OR10J1: variants seen among roughly 807,000 people sequenced by gnomAD.
OR10J1 encodes olfactory receptor family 10 subfamily J member 1.
For synonymous variants in OR10J1, 202 were observed against 143.8 expected (o/e 1.40, Z -2.89); for missense variants, 474 against 376.6 (o/e 1.26, Z -2.14).
chr1:159,409,225 C>T, the OR10J1 span, among the ~76,000 whole-genome samples: 9 of 152,120 alleles, frequency 5.9e-5, no homozygotes, highest in East Asian at 5.8e-4. Context: ...AGGGCATTTC[C>T]GCAGCTATTC....
At chr1:159,432,256 C>T in the OR10J1 span, 1 of 400,918 alleles carries the variant, frequency 2.5e-6, no homozygotes, top group Non-Finnish European at 4.4e-6. Context: ...GAGGGTTTCT[C>T]CATTTTTGAG....
the OR10J1 span, among the ~76,000 whole-genome samples, chr1:159,404,180 G>A: frequency 6.6e-6 from 1 of 151,924 alleles, no homozygotes; most frequent in African/African-American, 2.4e-5. Flanking sequence ...AAATAAATAA[G>A]GCCTACTATT....
chr1:159,440,887 C>A lies in OR10J1; in HGVS notation c.*166C>A. 1 of 673,110 alleles carries A rather than the reference C, an allele frequency of 1.5e-6. No homozygotes were observed. The highest frequency in any genetic ancestry group is 2.4e-6 in the Non-Finnish European group (1 of 415,140). The allele number at this position is 673,110 out of a possible 1,614,324, so 41.7% of individuals were successfully genotyped here. A position where few individuals can be genotyped will look rare whatever the true frequency, so the allele number is the denominator to read the frequency against. On this transcript the variant is annotated 3_prime_UTR_variant, in exon 1 of 1. Coordinates refer to ENST00000423932, the MANE Select transcript of OR10J1 (RefSeq NM_012351.3). The stretch of plus-strand genomic sequence containing the variant: ...GAGTCTGAAGCTTTAAATAAAGTTA[C>A]TGGATGGAGTGTTATCCCTATTTTT...
At chr1:159,405,612 A>G in the OR10J1 span, 1 of 403,764 alleles carries the variant, frequency 2.5e-6, no homozygotes, top group Non-Finnish European at 4.9e-6. Flanking sequence ...TGATGGAAAT[A>G]TAGCCATAGT....
chr1:159,439,695 C>T, upstream of OR10J1: 3 of 1,456,744 alleles, frequency 2.1e-6, no homozygotes, highest in South Asian at 1.2e-5. Flanking sequence ...TAACTGAGAA[C>T]TATTGAACTT....
chr1:159,437,460 A>G (rs1394141363), upstream of OR10J1, among the ~76,000 whole-genome samples: 1 of 152,190 alleles, frequency 6.6e-6, no homozygotes, highest in Non-Finnish European at 1.5e-5. Context: ...ATTTTTCAAT[A>G]TGGATTTCTA....
the OR10J1 span, chr1:159,432,723 C>G: frequency 5.0e-6 from 2 of 403,492 alleles, no homozygotes; most frequent in Admixed American, 4.4e-5. Flanking sequence ...TGATGCTAAT[C>G]TCATCTCCCA....
chr1:159,416,864 G>A, the OR10J1 span, among the ~76,000 whole-genome samples: 5 of 151,924 alleles, frequency 3.3e-5, no homozygotes, highest in African/African-American at 1.2e-4. Flanking sequence ...CTATTTGTTA[G>A]TGTGTATTGC....
chr1:159,410,657 A>G, the OR10J1 span, among the ~76,000 whole-genome samples: 38 of 150,754 alleles, frequency 2.5e-4, no homozygotes, highest in African/African-American at 9.0e-4. Context: ...CAGCTCCTGG[A>G]TTCATTAATT....
At chr1:159,412,192 A>G in the OR10J1 span, among the ~76,000 whole-genome samples, 2 of 152,114 alleles carry the variant, frequency 1.3e-5, no homozygotes, top group African/African-American at 4.8e-5. Flanking sequence ...AAAAGAGGAT[A>G]CAAAGAAATG....
the OR10J1 span, chr1:159,406,458 C>T: frequency 3.5e-6 from 1 of 283,200 alleles, no homozygotes; most frequent in Non-Finnish European, 7.0e-6. Flanking sequence ...GTCTGAGCAG[C>T]ATCAGTTTTT....
At chr1:159,404,166 G>GA in the OR10J1 span, among the ~76,000 whole-genome samples, 1 of 151,868 alleles carries the variant, frequency 6.6e-6, no homozygotes, top group African/African-American at 2.4e-5. Context: ...AAAAAATATA[G>GA]AAAAAATAAA....
chr1:159,440,719 T>C lies in OR10J1; in HGVS notation c.928T>C (p.Ter310ArgextTer21). The change falls in exon 1 of 1, where the codon TGA (stop) becomes CGA (arginine). Residue 310 changes from the stop codon to arginine (R), a stop_lost. Transcript: ENST00000423932. ...CAGGGCTGTTGGTGGGAAGTTTTCC[T>C]GACCATGTAGGAAGAGTTCTCCTGA... The part of the protein sequence containing the change: ...LCRAVGGKFS[*>R] 1 of 1,608,202 alleles carries C rather than the reference T, an allele frequency of 6.2e-7. No homozygotes were observed. The highest frequency in any genetic ancestry group is 1.1e-5 in the South Asian group (1 of 90,604).
the OR10J1 span, chr1:159,406,162 T>A: frequency 4.0e-6 from 2 of 495,266 alleles, no homozygotes; most frequent in African/African-American, 2.0e-5. Context: ...GTCTCAGAGA[T>A]AGACAGCAAT....
At chr1:159,416,604 G>A in the OR10J1 span, among the ~76,000 whole-genome samples, 1 of 151,912 alleles carries the variant, frequency 6.6e-6, no homozygotes, top group South Asian at 2.1e-4. Context: ...CATACAATGA[G>A]TTAGAGAAAA....
the OR10J1 span, among the ~76,000 whole-genome samples, chr1:159,432,036 G>A: frequency 3.3e-5 from 5 of 152,106 alleles, no homozygotes; most frequent in African/African-American, 1.2e-4. Context: ...ACCTTGATGG[G>A]TCCTTCAGTA....
chr1:159,399,771 C>T, the OR10J1 span, among the ~76,000 whole-genome samples: 1 of 151,818 alleles, frequency 6.6e-6, no homozygotes, highest in Non-Finnish European at 1.5e-5. Flanking sequence ...AATAGAAGGA[C>T]TAAATGATGA....
the OR10J1 span, among the ~76,000 whole-genome samples, chr1:159,407,555 G>A: frequency 6.6e-6 from 1 of 152,096 alleles, no homozygotes; most frequent in Admixed American, 6.6e-5. Context: ...GTTTAACCAG[G>A]AAGAATTCCA....
upstream of OR10J1, among the ~76,000 whole-genome samples, chr1:159,433,548 A>G (rs1419772417): frequency 6.6e-6 from 1 of 152,174 alleles, no homozygotes; most frequent in Non-Finnish European, 1.5e-5. Flanking sequence ...AAAGGCCACC[A>G]CCACCCCTTG....
Sources: allele counts gnomAD v4.1 joint callset (sites outside exome capture counted in the v4.1 genomes callset), GRCh38; gene constraint gnomAD v4.1.1; transcripts MANE v1.5; gene names NCBI Gene and HGNC (gene_info 2026-07-23, HGNC 2026-07-21).